The following NBPF15 variants were observed in gnomAD, a reference collection of about 807,000 sequenced individuals.
NBPF15 encodes the protein NBPF family member NBPF15.
In NBPF15, 74 loss-of-function variants were observed where a neutral mutation model predicts 62.2. The ratio of observed to expected loss-of-function variants is 1.19; its 90% CI spans 0.99 to 1.44. NBPF15 has a LOEUF of 1.44. Among genes scored for constraint, NBPF15 ranks in the 40% most tolerant of loss-of-function variants. The probability of loss-of-function intolerance (pLI) is 0.00; values close to 1 mark genes in which losing one functional copy is unlikely to be tolerated. For missense variants in NBPF15, 790 were observed against 550.0 expected (o/e 1.44, Z -4.36); for synonymous variants, 244 against 209.7 (o/e 1.16, Z -1.41).
chr1:144,439,370 T>G (rs1681138748), intron 8 of NBPF15, among the ~76,000 whole-genome samples: 1 of 152,070 alleles, frequency 6.6e-6, no homozygotes, highest in South Asian at 2.1e-4. Context: ...GAGCAGGTAC[T>G]GGCTACTATC....
intron 6 of NBPF15, among the ~76,000 whole-genome samples, chr1:144,445,737 C>T (rs1253347330): frequency 6.6e-6 from 1 of 151,268 alleles, no homozygotes; most frequent in Non-Finnish European, 1.5e-5. Flanking sequence ...AACATAACAA[C>T]TCTTCTGATC....
intron 12 of NBPF15, among the ~76,000 whole-genome samples, chr1:144,434,712 C>T (rs1385689619): frequency 6.6e-6 from 1 of 151,450 alleles, no homozygotes; most frequent in Non-Finnish European, 1.5e-5. Flanking sequence ...AGCAGTGAAG[C>T]CTGAGGAACG....
chr1:144,455,538 A>T (rs1274701402), intron 4 of NBPF15, among the ~76,000 whole-genome samples: 1 of 151,980 alleles, frequency 6.6e-6, no homozygotes, highest in East Asian at 1.9e-4. Context: ...GGTGCCCAAA[A>T]GAATGAGATG....
At chr1:144,428,921 C>A (rs9437974) in intron 14 of NBPF15, among the ~76,000 whole-genome samples, 2 of 152,020 alleles carry the variant, frequency 1.3e-5, no homozygotes, top group Non-Finnish European at 2.9e-5. Flanking sequence ...CACAAATGAG[C>A]AATTTTTTCC....
chr1:144,436,194 C>T (rs1240745281), intron 10 of NBPF15, among the ~76,000 whole-genome samples: 1 of 152,086 alleles, frequency 6.6e-6, no homozygotes, highest in Non-Finnish European at 1.5e-5. Flanking sequence ...TGTCCCGTCA[C>T]AGTTTGCATT....
intron 12 of NBPF15, 137 bp from the exon 13 acceptor site, chr1:144,433,961 G>A (rs1413606905): frequency 8.0e-6 from 5 of 628,876 alleles, no homozygotes. Flanking sequence ...ATATTCTAGG[G>A]TGTCCTAGAT....
intron 8 of NBPF15, among the ~76,000 whole-genome samples, chr1:144,439,394 C>G (rs1313652427): frequency 6.6e-6 from 1 of 152,060 alleles, no homozygotes; most frequent in Non-Finnish European, 1.5e-5. Flanking sequence ...AAGTTTCCCT[C>G]AGAGTCACTA....
intron 13 of NBPF15, among the ~76,000 whole-genome samples, chr1:144,433,476 C>T (rs2101947820): frequency 6.8e-6 from 1 of 147,718 alleles, no homozygotes; most frequent in African/African-American, 2.5e-5. Context: ...GAGATAGAGA[C>T]ACAAAAAACC....
intron 13 of NBPF15, among the ~76,000 whole-genome samples, chr1:144,432,643 G>A (rs9438331): frequency 6.6e-6 from 1 of 151,652 alleles, no homozygotes; most frequent in African/African-American, 2.4e-5. Context: ...AACAAAAAAA[G>A]GCAGGGGTTG....
intron 1 of NBPF15, 123 bp from the exon 2 acceptor site, chr1:144,461,084 G>A (rs1359157141): frequency 1.3e-5 from 2 of 151,146 alleles, no homozygotes; most frequent in African/African-American, 4.9e-5. Context: ...CCTCGAGGGT[G>A]GGGTGCGGGG....
chr1:144,424,582 C>A lies in NBPF15; in HGVS notation c.1663+108G>T, dbSNP rs1271488891. 6.1e-6 allele frequency: 4 copies of A among 655,522 alleles called. No homozygotes were observed. The South Asian group carries it at 7.6e-5, about 12-fold the overall frequency. The allele number at this position is 655,522 out of a possible 1,614,324, so 40.6% of individuals were successfully genotyped here. ...ACCTACATGTGCCTATAGGTCCTCA[C>A]TGCGGCAATGACATCTCTCAGCTCA... On this transcript the variant is annotated intron_variant, in intron 20 of 21. Transcript: ENST00000581897.
intron 4 of NBPF15, among the ~76,000 whole-genome samples, chr1:144,451,525 C>T (rs1475681539): frequency 6.6e-6 from 1 of 151,902 alleles, no homozygotes; most frequent in Non-Finnish European, 1.5e-5. Flanking sequence ...GGGGAGAAAC[C>T]TTGGACAATA....
At chr1:144,439,366 G>A (rs1415269848) in intron 8 of NBPF15, among the ~76,000 whole-genome samples, 1 of 151,992 alleles carries the variant, frequency 6.6e-6, no homozygotes, top group Non-Finnish European at 1.5e-5. Flanking sequence ...CTCAGAGCAG[G>A]TACTGGCTAC....
chr1:144,439,493 G>A (rs1401395207), intron 8 of NBPF15, among the ~76,000 whole-genome samples: 5 of 152,058 alleles, frequency 3.3e-5, no homozygotes, highest in Admixed American at 2.6e-4. Flanking sequence ...CAGACTAGAT[G>A]TTATTTGTCT....
chr1:144,428,166 A>T (rs1553539678), intron 15 of NBPF15, among the ~76,000 whole-genome samples, 176 bp from the exon 16 acceptor site: 1 of 144,678 alleles, frequency 6.9e-6, no homozygotes, highest in Admixed American at 6.7e-5. Context: ...GTAGAAAAGG[A>T]TGAAAGAGAA....
chr1:144,426,762 T>A (rs1386941708), intron 17 of NBPF15, among the ~76,000 whole-genome samples: 1 of 151,680 alleles, frequency 6.6e-6, no homozygotes, highest in Non-Finnish European at 1.5e-5. Context: ...CGAACAGTGG[T>A]CATGAAAAGA....
chr1:144,452,034 C>A (rs1220223222), intron 4 of NBPF15, among the ~76,000 whole-genome samples: 1 of 151,308 alleles, frequency 6.6e-6, no homozygotes, highest in Non-Finnish European at 1.5e-5. Context: ...CGCCTGTAAT[C>A]CCAGCTATTC....
At chr1:144,431,797 C>A (rs1342948352) in intron 13 of NBPF15, among the ~76,000 whole-genome samples, 6 of 138,952 alleles carry the variant, frequency 4.3e-5, no homozygotes, top group Non-Finnish European at 6.2e-5. Flanking sequence ...CCAGCTTCAT[C>A]CATGCCCCTA....
intron 6 of NBPF15, among the ~76,000 whole-genome samples, chr1:144,444,084 TC>T (rs1468301790): frequency 6.6e-6 from 1 of 151,890 alleles, no homozygotes; most frequent in African/African-American, 2.4e-5. Context: ...TAGTATTCCT[TC>T]GTGTGGCTAT....
Sources: allele counts gnomAD v4.1 joint callset (sites outside exome capture counted in the v4.1 genomes callset), GRCh38; gene constraint gnomAD v4.1.1; transcripts MANE v1.5; gene names NCBI Gene and HGNC (gene_info 2026-07-23, HGNC 2026-07-21).